Variants in TBC1D30 observed in about 807,000 individuals in gnomAD.
TBC1D30 encodes the protein TBC1 domain family member 30, also known as TBC1 domain family, member 30.
A neutral mutation model predicts 63.2 loss-of-function variants in TBC1D30; 31 were observed. The ratio of observed to expected loss-of-function variants is 0.49; its 90% CI spans 0.37 to 0.66. The LOEUF is 0.66. Ranked by LOEUF, TBC1D30 falls within the 30% of genes least tolerant of loss-of-function variation. The pLI is 0.00. For synonymous variants in TBC1D30, 307 were observed against 361.5 expected, an observed-to-expected ratio of 0.85 and a Z score of 1.71; for missense variants, 810 against 953.6, an observed-to-expected ratio of 0.85 and a Z score of 1.98.
intron 1 of TBC1D30, 21 bp from the exon 2 acceptor site, chr12:64,827,814 A>AT: frequency 6.7e-7 from 1 of 1,487,198 alleles, no homozygotes; most frequent in Non-Finnish European, 9.0e-7. Context: ...AATAACATCT[A>AT]TTTATGTATT....
chr12:64,848,448 C>T (rs915852592), intron 8 of TBC1D30, among the ~76,000 whole-genome samples: 18 of 151,992 alleles, frequency 1.2e-4, no homozygotes, highest in Admixed American at 3.3e-4. Flanking sequence ...CGACAGGCCC[C>T]GGTATGTGAT....
rs1870417066 is a variant in TBC1D30 at position 64,759,593 on chromosome 12, GGAGAAAAGGGCGGAGAAC to G, written c.-431_-414del. On this transcript the variant is annotated 5_prime_UTR_variant, in exon 1 of 14. Coordinates refer to the TBC1D30 transcript ENST00000674237. ...GAACCGGAGAAAAGGGCGGAGAACCGGAGAAAAGGGCGGAGAACCGGGAAAAGGGCGGAGAACCGGGAA... is the reference window on the plus strand; with the variant it reads ...GAACCGGAGAAAAGGGCGGAGAACCGCGGGAAAAGGGCGGAGAACCGGGAA... 2.7e-5 allele frequency: 11 copies of G among 400,040 alleles called. No homozygotes were observed. The East Asian group carries it at 4.8e-4, about 18-fold the overall frequency. 24.8% of individuals were successfully genotyped at this position (400,040 alleles called of 1,614,324 possible). A position where few individuals can be genotyped will look rare whatever the true frequency, so the allele number is the denominator to read the frequency against.
intron 11 of TBC1D30, 123 bp from the exon 12 acceptor site, chr12:64,874,878 C>T: frequency 1.1e-6 from 1 of 922,498 alleles, no homozygotes; most frequent in Non-Finnish European, 1.6e-6. Flanking sequence ...CTGCCCCTCC[C>T]TGGGGAACAC....
chr12:64,848,376 C>T (rs1398180438), intron 8 of TBC1D30, among the ~76,000 whole-genome samples: 1 of 151,822 alleles, frequency 6.6e-6, no homozygotes, highest in Non-Finnish European at 1.5e-5. Context: ...TGGCCCCCAT[C>T]AACCTGTCAT....
At chr12:64,863,239 C>T (rs931809149) in intron 8 of TBC1D30, among the ~76,000 whole-genome samples, 5 of 152,170 alleles carry the variant, frequency 3.3e-5, no homozygotes, top group Non-Finnish European at 7.3e-5. Context: ...TATAACTTCT[C>T]CCTGATCTTA....
At chr12:64,783,948 G>A (rs370666754) in intron 1 of TBC1D30, among the ~76,000 whole-genome samples, 2 of 148,602 alleles carry the variant, frequency 1.3e-5, no homozygotes, top group Admixed American at 1.4e-4. Flanking sequence ...GTGAGCCACC[G>A]TGCCCAGCCC....
At chr12:64,870,945 A>G (rs1463600551) in intron 11 of TBC1D30, 137 bp downstream of exon 11, 22 of 799,992 alleles carry the variant, frequency 2.8e-5, no homozygotes, top group Non-Finnish European at 4.1e-5. Context: ...ACATAATAGC[A>G]TATTTAGCAT....
chr12:64,874,614 A>G lies in TBC1D30; in HGVS notation c.1499-387A>G, dbSNP rs76183325. 8.5e-3 allele frequency among the ~76,000 whole-genome samples: 1,296 copies of G among 152,172 alleles called. 66 individuals are homozygous for G. In the East Asian group the frequency reaches 0.15, roughly 18 times the overall value. On this transcript the variant is annotated intron_variant, in intron 11 of 11. Transcript: ENST00000539867. The stretch of plus-strand genomic sequence containing the variant: ...CTGACAGATGATAATCCATATGGTC[A>G]TAGTGTTTGTTGTATTATTTTTTTT...
chr12:64,776,659 A>G (rs1240861260), upstream of TBC1D30, among the ~76,000 whole-genome samples: 1 of 152,246 alleles, frequency 6.6e-6, no homozygotes, highest in African/African-American at 2.4e-5. Flanking sequence ...ATGGATTCAC[A>G]GCTGAATTCT....
chr12:64,820,335 A>T (rs1420498123), upstream of TBC1D30, among the ~76,000 whole-genome samples: 1 of 152,164 alleles, frequency 6.6e-6, no homozygotes, highest in African/African-American at 2.4e-5. Context: ...CATTCCCAGC[A>T]TGTAGGCCTG....
chr12:64,798,673 A>G (rs2136312902), intron 2 of TBC1D30, among the ~76,000 whole-genome samples: 1 of 152,236 alleles, frequency 6.6e-6, no homozygotes, highest in South Asian at 2.1e-4. Context: ...TGGTAGAAAG[A>G]TGGAATGGGA....
chr12:64,796,102 T>C (rs1872246794), intron 2 of TBC1D30, among the ~76,000 whole-genome samples: 1 of 152,016 alleles, frequency 6.6e-6, no homozygotes, highest in Non-Finnish European at 1.5e-5. Flanking sequence ...CAACAGTTTC[T>C]CCTCATTTTC....
intron 2 of TBC1D30, 46 bp from the exon 3 acceptor site, chr12:64,828,398 T>C (rs1341605012): frequency 4.3e-6 from 6 of 1,385,336 alleles, no homozygotes; most frequent in Middle Eastern, 1.7e-4. Flanking sequence ...AAAGTGCTTA[T>C]CTAGGTCACT....
chr12:64,833,068 G>A (rs1053088948), intron 5 of TBC1D30, among the ~76,000 whole-genome samples: 1 of 152,100 alleles, frequency 6.6e-6, no homozygotes, highest in African/African-American at 2.4e-5. Flanking sequence ...TGTGACTCAG[G>A]GGTCATGTTA....
At chr12:64,855,612 C>T (rs1877233900) in intron 8 of TBC1D30, among the ~76,000 whole-genome samples, 1 of 152,178 alleles carries the variant, frequency 6.6e-6, no homozygotes, top group African/African-American at 2.4e-5. Context: ...TATTAAGAGA[C>T]TCTGATGCAT....
At chr12:64,793,342 C>CAAAAAAT (rs1366986888) in intron 2 of TBC1D30, among the ~76,000 whole-genome samples, 2 of 151,114 alleles carry the variant, frequency 1.3e-5, no homozygotes, top group Admixed American at 6.6e-5. Context: ...GATACTGACT[C>CAAAAAAT]AAAAAATAAA....
chr12:64,860,632 A>G (rs2136449921), intron 8 of TBC1D30, among the ~76,000 whole-genome samples: 1 of 152,314 alleles, frequency 6.6e-6, no homozygotes. Context: ...AGAAACATCC[A>G]GGAGTGTATG....
intron 5 of TBC1D30, among the ~76,000 whole-genome samples, chr12:64,836,192 C>T (rs370616080): frequency 1.3e-5 from 2 of 152,170 alleles, no homozygotes; most frequent in Non-Finnish European, 2.9e-5. Flanking sequence ...CTCAGAATGA[C>T]GCTAAGGGTT....
At chr12:64,786,448 A>G (rs545734044) in intron 2 of TBC1D30, among the ~76,000 whole-genome samples, 92 of 151,978 alleles carry the variant, frequency 6.1e-4, no homozygotes, top group Non-Finnish European at 1.2e-3. Context: ...TCTCCTGTCT[A>G]AGCCTCCTGA....
Sources: gnomAD v4.1 joint callset for allele counts (sites outside exome capture counted in the v4.1 genomes callset) on GRCh38, gnomAD v4.1.1 for gene constraint, MANE v1.5 for transcripts, NCBI Gene and HGNC (gene_info 2026-07-23, HGNC 2026-07-21) for gene names.